Variants in GABRA4 observed in about 807,000 individuals in gnomAD.
GABRA4 encodes gamma-aminobutyric acid type A receptor subunit alpha4.
A neutral mutation model predicts 49.7 loss-of-function variants in GABRA4; 12 were observed. That is an observed-to-expected ratio of 0.24 (90% CI 0.15 to 0.39). The LOEUF (loss-of-function observed/expected upper bound fraction) is 0.39. GABRA4 is among the 10% of genes least tolerant of loss of function. GABRA4 has a pLI of 1.00. For synonymous variants in GABRA4, 288 were observed against 240.2 expected, an observed-to-expected ratio of 1.20 and a Z score of -1.84; for missense variants, 506 against 686.0, an observed-to-expected ratio of 0.74 and a Z score of 2.93.
At chr4:46,954,830 C>T (rs1031573515) in intron 8 of GABRA4, among the ~76,000 whole-genome samples, 1 of 152,216 alleles carries the variant, frequency 6.6e-6, no homozygotes, top group East Asian at 1.9e-4. Flanking sequence ...AACCATCCAG[C>T]TTTCTGATGC....
At chr4:46,985,097 T>C (rs1346839446) in intron 2 of GABRA4, among the ~76,000 whole-genome samples, 1 of 152,028 alleles carries the variant, frequency 6.6e-6, no homozygotes. Flanking sequence ...AAATGAATGA[T>C]CTATTGCAAT....
chr4:46,967,921 T>C (rs910969388), intron 7 of GABRA4, among the ~76,000 whole-genome samples: 1 of 151,656 alleles, frequency 6.6e-6, no homozygotes, highest in African/African-American at 2.4e-5. Flanking sequence ...CATTTACTTG[T>C]GTTTAATGTT....
chr4:46,990,451 C>T (rs1260928992), intron 2 of GABRA4, among the ~76,000 whole-genome samples: 2 of 152,190 alleles, frequency 1.3e-5, no homozygotes, highest in East Asian at 1.9e-4. Context: ...TTTTGAATTA[C>T]AGCTTGCATT....
At chr4:46,953,439 T>C (rs748258328) in intron 8 of GABRA4, among the ~76,000 whole-genome samples, 3 of 152,160 alleles carry the variant, frequency 2.0e-5, no homozygotes, top group Non-Finnish European at 4.4e-5. Context: ...CAACAGATGT[T>C]GTAAATAAGT....
At chr4:46,978,341 G>T (rs1723218233) in intron 3 of GABRA4, among the ~76,000 whole-genome samples, 1 of 151,952 alleles carries the variant, frequency 6.6e-6, no homozygotes, top group African/African-American at 2.4e-5. Context: ...TACACGACTA[G>T]TTCATACTGA....
rs1312307338 is a variant in GABRA4 at position 46,925,722 on chromosome 4, ATT to A, written c.*2501_*2502del. ...TAAGGAAAGCAAACAACATATTATT[ATT>A]ATTATTATTATTATTATTATTATTA... On this transcript the variant is annotated 3_prime_UTR_variant, in exon 9 of 9. Coordinates refer to ENST00000264318, the MANE Select transcript of GABRA4 (RefSeq NM_000809.4). 1 of 100,276 alleles carries A rather than the reference ATT, an allele frequency of 1.0e-5. No individual in the cohort carries two copies. Among genetic ancestry groups the A allele is most frequent in the African/African-American group, 3.3e-5 (1 of 30,484 alleles). The allele number at this position is 100,276 out of a possible 1,614,324, so 6.2% of individuals were successfully genotyped here. A position where few individuals can be genotyped will look rare whatever the true frequency, so the allele number is the denominator to read the frequency against.
At chr4:46,973,582 T>C (rs1403172435) in intron 6 of GABRA4, among the ~76,000 whole-genome samples, 2 of 151,736 alleles carry the variant, frequency 1.3e-5, no homozygotes, top group Non-Finnish European at 2.9e-5. Flanking sequence ...TCATAAAAAA[T>C]ATTTTTTCTG....
At chr4:46,967,946 T>C (rs963861655) in intron 7 of GABRA4, among the ~76,000 whole-genome samples, 3 of 151,652 alleles carry the variant, frequency 2.0e-5, no homozygotes, top group African/African-American at 7.3e-5. Context: ...TATACTGGAA[T>C]AATTAGAAAA....
At chr4:46,947,453 C>G (rs183042926) in intron 8 of GABRA4, among the ~76,000 whole-genome samples, 2 of 151,782 alleles carry the variant, frequency 1.3e-5, no homozygotes, top group Non-Finnish European at 2.9e-5. Flanking sequence ...CTAACATATT[C>G]CAGTTTAAAA....
At chr4:46,937,504 C>G (rs1721641563) in intron 8 of GABRA4, among the ~76,000 whole-genome samples, 1 of 152,130 alleles carries the variant, frequency 6.6e-6, no homozygotes, top group Non-Finnish European at 1.5e-5. Context: ...TGTTTCTAGT[C>G]TCTTCTGTTG....
chr4:46,979,726 G>A (rs1723281917), intron 2 of GABRA4, among the ~76,000 whole-genome samples: 1 of 152,004 alleles, frequency 6.6e-6, no homozygotes, highest in African/African-American at 2.4e-5. Flanking sequence ...ACAACCATCA[G>A]GCAAGATTTT....
chr4:46,970,961 A>T (rs557978691), intron 7 of GABRA4, 122 bp downstream of exon 7: 46 of 880,192 alleles, frequency 5.2e-5, no homozygotes, highest in Middle Eastern at 3.6e-4. Flanking sequence ...AATGAAAGCC[A>T]TGTGATTCCT....
At chr4:46,943,295 C>T (rs889734923) in intron 8 of GABRA4, among the ~76,000 whole-genome samples, 1 of 152,130 alleles carries the variant, frequency 6.6e-6, no homozygotes, top group Non-Finnish European at 1.5e-5. Context: ...GTTTCTGCTT[C>T]CTTCTGCCTT....
At chr4:46,940,096 G>A (rs530980436) in intron 8 of GABRA4, among the ~76,000 whole-genome samples, 5 of 151,972 alleles carry the variant, frequency 3.3e-5, no homozygotes, top group East Asian at 3.9e-4. Context: ...ATGCATCAAC[G>A]CTACTCAAAA....
chr4:46,944,343 C>T (rs2109351151), intron 8 of GABRA4, among the ~76,000 whole-genome samples: 1 of 152,174 alleles, frequency 6.6e-6, no homozygotes, highest in Admixed American at 6.6e-5. Flanking sequence ...AGCCAGGGGG[C>T]AGTTCTAAGG....
rs1179957792 is a variant in GABRA4 at position 46,921,606 on chromosome 4, T to C, written c.*6619A>G. ...TTTAATGCTTGATTCCAGTGACATC[T>C]GATATACAGAAGGTAAAAGCCATGT... is the stretch of plus-strand genomic sequence containing the variant. On this transcript the variant is annotated 3_prime_UTR_variant, in exon 9 of 9. Coordinates refer to ENST00000264318, the MANE Select transcript of GABRA4 (RefSeq NM_000809.4). 6.6e-6 allele frequency: 1 copy of C among 152,126 alleles called. No homozygotes were observed. Among genetic ancestry groups the C allele is most frequent in the African/African-American group, 2.4e-5 (1 of 41,444 alleles). 9.4% of individuals were successfully genotyped at this position (152,126 alleles called of 1,614,324 possible).
intron 2 of GABRA4, among the ~76,000 whole-genome samples, chr4:46,979,521 A>G (rs895560061): frequency 1.3e-5 from 2 of 152,102 alleles, no homozygotes; most frequent in African/African-American, 4.8e-5. Context: ...GCTGTAAGGA[A>G]TGTATCCTTG....
chr4:46,940,489 G>T (rs1452330084), intron 8 of GABRA4, among the ~76,000 whole-genome samples: 3 of 152,072 alleles, frequency 2.0e-5, no homozygotes, highest in Non-Finnish European at 1.5e-5. Flanking sequence ...AGCAGAAGAG[G>T]ATTCATTAAG....
chr4:46,960,119 GAA>G (rs1722519908), intron 8 of GABRA4, among the ~76,000 whole-genome samples: 1 of 151,196 alleles, frequency 6.6e-6, no homozygotes, highest in East Asian at 1.9e-4. Flanking sequence ...TTAATATTAA[GAA>G]ATATAAAAAT....
Sources: allele counts gnomAD v4.1 joint callset (sites outside exome capture counted in the v4.1 genomes callset), GRCh38; gene constraint gnomAD v4.1.1; transcripts MANE v1.5; gene names NCBI Gene and HGNC (gene_info 2026-07-23, HGNC 2026-07-21).